Variants in VPS37A observed in about 807,000 individuals in gnomAD.
VPS37A encodes the protein vacuolar protein sorting-associated protein 37A.
In VPS37A, 30 loss-of-function variants were observed where a neutral mutation model predicts 49.8. The ratio of observed to expected loss-of-function variants is 0.60; its 90% confidence interval spans 0.45 to 0.82. The LOEUF (loss-of-function observed/expected upper bound fraction) is 0.82, where lower values mean the gene tolerates loss of function less well. Among genes scored for constraint, VPS37A ranks in the 40% least tolerant of loss-of-function variants. VPS37A has a pLI of 0.00. For synonymous variants in VPS37A, 195 were observed against 160.6 expected (o/e 1.21, Z -1.62); for missense variants, 593 against 464.4 (o/e 1.28, Z -2.55).
chr8:17,261,055 C>G (rs1352335480), intron 1 of VPS37A, among the ~76,000 whole-genome samples: 3 of 152,194 alleles, frequency 2.0e-5, no homozygotes, highest in Non-Finnish European at 4.4e-5. Flanking sequence ...TTGGAATAAG[C>G]TTTCTACCCA....
chr8:17,293,934 G>C (rs1490971807), intron 11 of VPS37A, among the ~76,000 whole-genome samples: 2 of 152,224 alleles, frequency 1.3e-5, no homozygotes, highest in Non-Finnish European at 2.9e-5. Flanking sequence ...GGTGGTCAGA[G>C]AACCACTTGA....
chr8:17,307,902 G>T, the VPS37A span, among the ~76,000 whole-genome samples: 8 of 151,706 alleles, frequency 5.3e-5, no homozygotes, highest in East Asian at 1.2e-3. Flanking sequence ...TGGCGGGAGG[G>T]GGGAGGGATA....
intron 1 of VPS37A, among the ~76,000 whole-genome samples, chr8:17,257,118 G>A (rs1210918746): frequency 6.6e-6 from 1 of 152,132 alleles, no homozygotes; most frequent in Admixed American, 6.5e-5. Flanking sequence ...GTAAGAGATA[G>A]GGTCTAGTTT....
chr8:17,278,754 TG>T (rs1269910650), intron 6 of VPS37A, among the ~76,000 whole-genome samples: 1 of 152,146 alleles, frequency 6.6e-6, no homozygotes, highest in African/African-American at 2.4e-5. Context: ...AATATACTGT[TG>T]TTTTTTTAAT....
chr8:17,299,169 A>G (rs1816934851), downstream of VPS37A: 1 of 152,230 alleles, frequency 6.6e-6, no homozygotes, highest in Admixed American at 6.5e-5. Flanking sequence ...CTCGTTAGCT[A>G]TTAAATCAGT....
At chr8:17,294,640 G>C (rs1162803517) in intron 11 of VPS37A, among the ~76,000 whole-genome samples, 2 of 152,190 alleles carry the variant, frequency 1.3e-5, no homozygotes, top group African/African-American at 4.8e-5. Context: ...TAGTTTCTGG[G>C]CTGGGTAGCA....
the VPS37A span, among the ~76,000 whole-genome samples, chr8:17,309,982 G>A: frequency 6.6e-6 from 1 of 152,062 alleles, no homozygotes; most frequent in African/African-American, 2.4e-5. Flanking sequence ...TTTTGGTTTT[G>A]TATTTTATAT....
At chr8:17,301,994 G>A, downstream of VPS37A, 1 of 898,096 alleles carries the variant, frequency 1.1e-6, no homozygotes, top group Non-Finnish European at 1.6e-6. Flanking sequence ...TTGGGCTTCG[G>A]TTATCTGAGT....
chr8:17,328,278 A>T, the VPS37A span, among the ~76,000 whole-genome samples: 1 of 152,272 alleles, frequency 6.6e-6, no homozygotes, highest in East Asian at 1.9e-4. Flanking sequence ...AGATGCAAGT[A>T]ACTCCATACA....
chr8:17,283,259 G>A (rs936001059), intron 9 of VPS37A, among the ~76,000 whole-genome samples: 4 of 151,818 alleles, frequency 2.6e-5, no homozygotes, highest in Admixed American at 6.6e-5. Context: ...AGGCTCAAGC[G>A]ATCCTCCCAA....
the VPS37A span, chr8:17,326,598 G>T: frequency 6.6e-6 from 1 of 151,444 alleles, no homozygotes. Context: ...CAATTTAAAA[G>T]TGTAATACAC....
At chr8:17,304,576 A>T, downstream of VPS37A, 1 of 1,540,638 alleles carries the variant, frequency 6.5e-7, no homozygotes, top group African/African-American at 1.4e-5. Flanking sequence ...CACACAGTAG[A>T]TATGTTATAT....
chr8:17,291,309 A>G (rs906041697), intron 11 of VPS37A, among the ~76,000 whole-genome samples: 1 of 152,030 alleles, frequency 6.6e-6, no homozygotes, highest in Non-Finnish European at 1.5e-5. Context: ...CACCATGCCC[A>G]TACGATCTCC....
chr8:17,312,376 A>T, the VPS37A span, among the ~76,000 whole-genome samples: 1 of 152,126 alleles, frequency 6.6e-6, no homozygotes, highest in Non-Finnish European at 1.5e-5. Context: ...GGAGTCCGTG[A>T]CCAGCCTGAC....
At chr8:17,302,200 T>G, downstream of VPS37A, 1 of 1,614,144 alleles carries the variant, frequency 6.2e-7, no homozygotes, top group Non-Finnish European at 8.5e-7. Context: ...AGTTTCTTCC[T>G]TCACTGCCAT....
At chr8:17,270,020 A>G (rs1267164563) in intron 4 of VPS37A, among the ~76,000 whole-genome samples, 1 of 152,142 alleles carries the variant, frequency 6.6e-6, no homozygotes, top group Non-Finnish European at 1.5e-5. Context: ...CAGGCACATT[A>G]CATGATGAGA....
chr8:17,314,005 C>T, the VPS37A span, among the ~76,000 whole-genome samples: 1 of 152,128 alleles, frequency 6.6e-6, no homozygotes, highest in Non-Finnish European at 1.5e-5. Flanking sequence ...TAGAGGCTTT[C>T]CCTTTGAGTG....
chr8:17,303,174 C>T (rs996118839), downstream of VPS37A, among the ~76,000 whole-genome samples: 1 of 152,120 alleles, frequency 6.6e-6, no homozygotes, highest in Non-Finnish European at 1.5e-5. Flanking sequence ...GTGCCCAGAA[C>T]AGTGTTTGAT....
the VPS37A span, among the ~76,000 whole-genome samples, chr8:17,325,986 G>C: frequency 1.3e-5 from 2 of 152,188 alleles, no homozygotes; most frequent in African/African-American, 2.4e-5. Flanking sequence ...TAGTTTGCAA[G>C]AAATCCTTTT....
Sources: gnomAD v4.1 joint callset for allele counts (sites outside exome capture counted in the v4.1 genomes callset) on GRCh38, gnomAD v4.1.1 for gene constraint, MANE v1.5 for transcripts, NCBI Gene and HGNC (gene_info 2026-07-23, HGNC 2026-07-21) for gene names.